Variants in LOXHD1 observed in about 807,000 individuals in gnomAD.
LOXHD1 encodes lipoxygenase homology domain-containing protein 1.
LOXHD1 carries 205 observed loss-of-function variants against 248.2 expected under a neutral mutation model. The ratio of observed to expected loss-of-function variants is 0.83; its 90% confidence interval spans 0.74 to 0.93. LOXHD1 has a LOEUF of 0.93. LOXHD1 is among the 40% of genes least tolerant of loss of function. The pLI, the probability that LOXHD1 is intolerant of heterozygous loss-of-function variation, is 0.00. For missense variants in LOXHD1, 2,930 were observed against 2,971.6 expected, an observed-to-expected ratio of 0.99 and a Z score of 0.33; for synonymous variants, 1,113 against 1,162.8, an observed-to-expected ratio of 0.96 and a Z score of 0.87.
chr18:46,500,241 C>G (rs575595731), intron 37 of LOXHD1, among the ~76,000 whole-genome samples: 1 of 152,320 alleles, frequency 6.6e-6, no homozygotes. Flanking sequence ...CTTTACTACT[C>G]TCTCTGCACT....
At chr18:46,640,397 G>C (rs1455861614) in intron 3 of LOXHD1, among the ~76,000 whole-genome samples, 3 of 152,182 alleles carry the variant, frequency 2.0e-5, no homozygotes, top group Admixed American at 2.0e-4. Flanking sequence ...ACAACAAGCA[G>C]ATACTCCCCT....
intron 4 of LOXHD1, among the ~76,000 whole-genome samples, chr18:46,629,272 A>G (rs1483228271): frequency 6.6e-6 from 1 of 152,200 alleles, no homozygotes; most frequent in Non-Finnish European, 1.5e-5. Flanking sequence ...CTCAGGATGT[A>G]TAGTCCCATG....
intron 1 of LOXHD1, among the ~76,000 whole-genome samples, chr18:46,655,433 G>C (rs1252895700): frequency 1.3e-5 from 2 of 152,224 alleles, no homozygotes; most frequent in Non-Finnish European, 2.9e-5. Flanking sequence ...GGCTGTGAGA[G>C]GTTCTAGAAT....
rs931131636 is a variant in LOXHD1 at position 46,509,678 on chromosome 18, T to C, written c.5517+20A>G. The C allele has an allele frequency of 6.6e-7, 1 of 1,511,228 alleles. No individual in the cohort carries two copies. The highest frequency in any genetic ancestry group is 2.5e-5 in the East Asian group (1 of 40,676). 93.6% of individuals were successfully genotyped at this position (1,511,228 alleles called of 1,614,324 possible). On this transcript the variant is annotated intron_variant, in intron 35 of 40. Coordinates refer to ENST00000642948, the MANE Select transcript of LOXHD1 (RefSeq NM_001384474.1). The stretch of plus-strand genomic sequence containing the variant: ...GGTGGGTGGTGGCTGGAAGGAAGAG[T>C]GAGGGTCTAGACATTTTACCCTCTC...
intron 7 of LOXHD1, chr18:46,601,759 C>T (rs1242730519): frequency 7.3e-6 from 3 of 412,916 alleles, no homozygotes; most frequent in Middle Eastern, 7.4e-4. Context: ...AGGAGGAACT[C>T]GGGTTGGCTA....
At chr18:46,625,998 C>T (rs939888787) in intron 4 of LOXHD1, among the ~76,000 whole-genome samples, 4 of 152,284 alleles carry the variant, frequency 2.6e-5, no homozygotes. Flanking sequence ...GGAATGTCAC[C>T]CAGCCTTCCT....
intron 12 of LOXHD1, among the ~76,000 whole-genome samples, chr18:46,588,700 T>C (rs182945918): frequency 2.0e-5 from 3 of 152,324 alleles, no homozygotes; most frequent in Admixed American, 2.0e-4. Context: ...AGTTCCACCT[T>C]CAAAATATTT....
chr18:46,602,061 A>G, intron 7 of LOXHD1, among the ~76,000 whole-genome samples: 1 of 152,214 alleles, frequency 6.6e-6, no homozygotes, highest in Non-Finnish European at 1.5e-5. Context: ...ATCAGGAGGC[A>G]ATATGAGGAC....
At chr18:46,643,752 C>A (rs888755743) in intron 2 of LOXHD1, among the ~76,000 whole-genome samples, 4 of 152,096 alleles carry the variant, frequency 2.6e-5, no homozygotes, top group African/African-American at 7.2e-5. Context: ...AATAAATAGA[C>A]AAAGCCTCTC....
Position 46,494,847 on chromosome 18 carries a change from C to CTTTTTTTT in LOXHD1, c.5879-5706_5879-5705insAAAAAAAA, listed in dbSNP as rs1256277774. Among the ~76,000 whole-genome samples the CTTTTTTTT allele has an allele frequency of 6.1e-3, 687 of 113,172 alleles. 26 individuals are homozygous for CTTTTTTTT. Among genetic ancestry groups the CTTTTTTTT allele is most frequent in the Middle Eastern group, 0.012 (2 of 172 alleles). 74.2% of individuals were successfully genotyped at this position (113,172 alleles called of 152,430 possible). A position where few individuals can be genotyped will look rare whatever the true frequency, so the allele number is the denominator to read the frequency against. On this transcript the variant is annotated intron_variant, in intron 37 of 40. Transcript: ENST00000642948. ...ATTTTTCTTTCTCCTTTTTCTCTCT[C>CTTTTTTTT]TCTTTTTTTTTTTTTTTTTTTTTTG...
At chr18:46,564,545 A>G (rs770235546) in intron 17 of LOXHD1, among the ~76,000 whole-genome samples, 3 of 152,112 alleles carry the variant, frequency 2.0e-5, no homozygotes, top group African/African-American at 7.2e-5. Flanking sequence ...AACTAAATAA[A>G]TAAAAATTGA....
At chr18:46,580,542 T>A (rs1446654650) in intron 12 of LOXHD1, among the ~76,000 whole-genome samples, 2 of 152,236 alleles carry the variant, frequency 1.3e-5, no homozygotes, top group Non-Finnish European at 2.9e-5. Flanking sequence ...ATGTACCCAT[T>A]CACTCACTTA....
intron 29 of LOXHD1, among the ~76,000 whole-genome samples, chr18:46,525,481 G>A (rs1391184805): frequency 6.6e-6 from 1 of 152,264 alleles, no homozygotes; most frequent in East Asian, 1.9e-4. Flanking sequence ...GAAAGGCTGT[G>A]GAGGGACTCA....
chr18:46,563,964 A>G (rs1287749639), intron 17 of LOXHD1, among the ~76,000 whole-genome samples: 1 of 152,202 alleles, frequency 6.6e-6, no homozygotes, highest in Admixed American at 6.5e-5. Context: ...AGAAAAAACA[A>G]GCTCTACAAA....
chr18:46,499,072 T>C (rs2034057972), intron 37 of LOXHD1, among the ~76,000 whole-genome samples: 1 of 152,234 alleles, frequency 6.6e-6, no homozygotes, highest in Non-Finnish European at 1.5e-5. Context: ...GTTAAATACC[T>C]ACTAAGTGCC....
chr18:46,622,551 T>C (rs1276920064), intron 4 of LOXHD1, among the ~76,000 whole-genome samples: 5 of 152,128 alleles, frequency 3.3e-5, no homozygotes, highest in African/African-American at 1.2e-4. Context: ...GGTGGGTAGA[T>C]CTGCTCTCTG....
At position 46,656,978 on chromosome 18, in the gene LOXHD1, T is replaced by G; in HGVS notation, c.56A>C (p.Tyr19Ser). The change falls in exon 1 of 41, where the codon TAC becomes TCC. Residue 19 changes from tyrosine (Y) to serine (S), a missense_variant. Tyr to Ser is a moderately radical substitution (Grantham distance 144). Transcript: ENST00000642948. ...GGCGTAGTTCAGCAGCTCCGCTTCG[T>G]ACAGGGCCAGGAAGTCGATGTCCTT... Reference protein sequence around the residue: ...RKKDIDFLALYEAELLNYASE... With the variant: ...RKKDIDFLALSEAELLNYASE... The G allele has an allele frequency of 6.4e-7, 1 of 1,551,660 alleles. No homozygotes were observed. Among genetic ancestry groups the G allele is most frequent in the Non-Finnish European group, 8.7e-7 (1 of 1,146,944 alleles).
chr18:46,560,052 T>TACCCCCCCCC, intron 19 of LOXHD1, 31 bp downstream of exon 19: 59 of 441,072 alleles, frequency 1.3e-4, no homozygotes, highest in East Asian at 4.3e-4. Context: ...GGCCACTCCC[T>TACCCCCCCCC]CCCCACCCCC....
chr18:46,624,559 C>A lies in LOXHD1; in HGVS notation c.512-6269G>T, dbSNP rs145688133. 5.8e-3 allele frequency among the ~76,000 whole-genome samples: 886 copies of A among 152,334 alleles called. 7 individuals carry two copies. Among genetic ancestry groups the A allele is most frequent in the Non-Finnish European group, 1.0e-2 (679 of 68,022 alleles). On this transcript the variant is annotated intron_variant, in intron 4 of 40. Coordinates refer to ENST00000642948, the MANE Select transcript of LOXHD1 (RefSeq NM_001384474.1). ...CCCCATGCTACCCCCAAAAGGTTTC[C>A]TCTTCCTTCGTCAGGCCTGGACACC... is the stretch of plus-strand genomic sequence containing the variant.
Sources: gnomAD v4.1 joint callset for allele counts (sites outside exome capture counted in the v4.1 genomes callset) on GRCh38, gnomAD v4.1.1 for gene constraint, MANE v1.5 for transcripts, NCBI Gene and HGNC (gene_info 2026-07-23, HGNC 2026-07-21) for gene names.